GAREM1: variants seen among roughly 807,000 people sequenced by gnomAD.
The protein encoded by GAREM1 is GRB2-associated and regulator of MAPK protein 1.
A neutral mutation model predicts 71.3 loss-of-function variants in GAREM1; 26 were observed. The ratio of observed to expected loss-of-function variants is 0.36; its 90% CI spans 0.27 to 0.51. GAREM1 has a LOEUF of 0.51. GAREM1 is among the 20% of genes least tolerant of loss of function. The probability of loss-of-function intolerance (pLI) is 0.95; values close to 1 mark genes in which losing one functional copy is unlikely to be tolerated. For missense variants in GAREM1, 1,026 were observed against 1,103.1 expected, an observed-to-expected ratio of 0.93 and a Z score of 0.99; for synonymous variants, 440 against 433.2, an observed-to-expected ratio of 1.02 and a Z score of -0.20.
Position 32,422,796 on chromosome 18 carries a change from G to T in GAREM1, c.122-29761C>A, listed in dbSNP as rs144082278. ...GTTTTTTAAAGCAACAACTTTGAGT[G>T]GAACAAGAACAAATTTGGAATCACA... On this transcript the variant is annotated intron_variant, in intron 1 of 5. Transcript: ENST00000269209. Among the ~76,000 whole-genome samples the T allele has an allele frequency of 1.1e-3, 161 of 152,240 alleles. 2 individuals carry two copies. Among genetic ancestry groups the T allele is most frequent in the African/African-American group, 3.8e-3 (156 of 41,538 alleles).
chr18:32,359,770 T>A (rs1045048756), intron 2 of GAREM1, among the ~76,000 whole-genome samples: 63 of 152,122 alleles, frequency 4.1e-4, no homozygotes, highest in African/African-American at 8.7e-4. Context: ...AAAGTTTTTT[T>A]AAAAAATTAG....
chr18:32,367,957 A>C (rs2047941857), intron 2 of GAREM1, among the ~76,000 whole-genome samples: 1 of 152,176 alleles, frequency 6.6e-6, no homozygotes, highest in Admixed American at 6.5e-5. Context: ...GTTCACTCCT[A>C]AACTAAGATC....
chr18:32,434,442 G>A (rs113846865), intron 1 of GAREM1, among the ~76,000 whole-genome samples: 2 of 152,040 alleles, frequency 1.3e-5, no homozygotes, highest in Non-Finnish European at 2.9e-5. Context: ...TCCAGGCCTA[G>A]GGCAGGGGCA....
At chr18:32,359,954 A>G (rs1300276614) in intron 2 of GAREM1, among the ~76,000 whole-genome samples, 1 of 151,750 alleles carries the variant, frequency 6.6e-6, no homozygotes, top group East Asian at 1.9e-4. Flanking sequence ...ATAAATAAAT[A>G]AAAAATTGAA....
rs1182615253 is a variant in GAREM1, at chr18:32,264,912, C to T, written c.*2959G>A. 6.6e-6 allele frequency: 1 copy of T among 152,224 alleles called. No homozygotes were observed. The highest frequency in any genetic ancestry group is 1.5e-5 in the Non-Finnish European group (1 of 68,052). The allele number at this position is 152,224 out of a possible 1,614,324, so 9.4% of individuals were successfully genotyped here. The stretch of plus-strand genomic sequence containing the variant: ...GGTCTTGTTTAGATAGACACTTCCT[C>T]TCTTTTGATTACAGGGGACCTGCCA... On this transcript the variant is annotated 3_prime_UTR_variant, in exon 6 of 6. Transcript: ENST00000269209.
At chr18:32,271,056 C>T (rs768396618) in intron 4 of GAREM1, among the ~76,000 whole-genome samples, 5 of 151,772 alleles carry the variant, frequency 3.3e-5, no homozygotes, top group Non-Finnish European at 7.4e-5. Flanking sequence ...CAGGTGTGCG[C>T]CAGTACACCT....
chr18:32,375,427 G>A (rs1170240745), intron 2 of GAREM1, among the ~76,000 whole-genome samples: 1 of 151,140 alleles, frequency 6.6e-6, no homozygotes, highest in Non-Finnish European at 1.5e-5. Context: ...GTTCGTTTGA[G>A]TTTGGATGAC....
intron 2 of GAREM1, among the ~76,000 whole-genome samples, chr18:32,312,809 G>A (rs771130556): frequency 1.4e-4 from 21 of 152,154 alleles, no homozygotes; most frequent in Admixed American, 7.2e-4. Flanking sequence ...ATCTGATGTT[G>A]AAATGGAGGA....
chr18:32,375,573 T>A (rs1237061713), intron 2 of GAREM1, among the ~76,000 whole-genome samples: 1 of 152,202 alleles, frequency 6.6e-6, no homozygotes, highest in Non-Finnish European at 1.5e-5. Flanking sequence ...GAGTGACCTT[T>A]CCTTGACTTA....
At chr18:32,337,967 A>G (rs1299117439) in intron 2 of GAREM1, among the ~76,000 whole-genome samples, 1 of 152,196 alleles carries the variant, frequency 6.6e-6, no homozygotes, top group Non-Finnish European at 1.5e-5. Context: ...AAGGAGGCAT[A>G]CCACAAGACC....
rs535334862 is a variant in GAREM1, at chr18:32,286,808, C to G, written c.1566+223G>C. ...AGCAGCAAAAGTCATGTTTAAAACT[C>G]TCCTGTTAAAAACTCTCCAAGAGGT... On this transcript the variant is annotated intron_variant, in intron 4 of 5. Coordinates refer to ENST00000269209, the MANE Select transcript of GAREM1 (RefSeq NM_001242409.2). Among the ~76,000 whole-genome samples the G allele has an allele frequency of 2.0e-5, 3 of 152,280 alleles. No homozygotes were observed. In the South Asian group the frequency reaches 6.2e-4, roughly 32 times the overall value.
intron 3 of GAREM1, among the ~76,000 whole-genome samples, chr18:32,293,914 C>T (rs925814693): frequency 1.3e-5 from 2 of 152,168 alleles, no homozygotes; most frequent in Non-Finnish European, 2.9e-5. Flanking sequence ...AAATATCAGA[C>T]AAACCCAAAC....
intron 2 of GAREM1, among the ~76,000 whole-genome samples, chr18:32,326,765 C>T (rs566370638): frequency 3.3e-5 from 5 of 152,276 alleles, no homozygotes; most frequent in East Asian, 1.9e-4. Flanking sequence ...CAAATGCCTC[C>T]GCTTTTATTC....
At chr18:32,412,484 G>T in intron 1 of GAREM1, 1 of 1,594,076 alleles carries the variant, frequency 6.3e-7, no homozygotes, top group Non-Finnish European at 8.5e-7. Context: ...CACCAGCACG[G>T]CTGCCACCAA....
At chr18:32,332,705 C>A (rs1053458063) in intron 2 of GAREM1, among the ~76,000 whole-genome samples, 1 of 152,156 alleles carries the variant, frequency 6.6e-6, no homozygotes, top group South Asian at 2.1e-4. Context: ...TCCTACCACA[C>A]CATCTGACGG....
chr18:32,300,383 CAAAAT>C (rs1390797454), intron 3 of GAREM1, among the ~76,000 whole-genome samples: 5 of 152,104 alleles, frequency 3.3e-5, no homozygotes, highest in African/African-American at 7.2e-5. Flanking sequence ...ACTCGGAAAA[CAAAAT>C]AAAAAACCCT....
At chr18:32,442,382 T>C (rs562670099) in intron 1 of GAREM1, among the ~76,000 whole-genome samples, 2 of 152,298 alleles carry the variant, frequency 1.3e-5, no homozygotes, top group South Asian at 4.1e-4. Context: ...ACTCGGCATG[T>C]GATATTTCAG....
intron 1 of GAREM1, among the ~76,000 whole-genome samples, chr18:32,402,308 C>A (rs565687979): frequency 6.6e-6 from 1 of 152,062 alleles, no homozygotes; most frequent in Admixed American, 6.6e-5. Context: ...ATTTTACTTG[C>A]CCCATTTGAC....
intron 2 of GAREM1, among the ~76,000 whole-genome samples, chr18:32,355,119 G>T (rs1452276798): frequency 6.6e-6 from 1 of 152,118 alleles, no homozygotes; most frequent in Non-Finnish European, 1.5e-5. Flanking sequence ...TAGCTGGTCA[G>T]GCCTAAACTA....
Sources: allele counts gnomAD v4.1 joint callset (sites outside exome capture counted in the v4.1 genomes callset), GRCh38; gene constraint gnomAD v4.1.1; transcripts MANE v1.5; gene names NCBI Gene and HGNC (gene_info 2026-07-23, HGNC 2026-07-21).